FILIP1L: variants seen among roughly 807,000 people sequenced by gnomAD.
FILIP1L encodes filamin A-interacting protein 1-like.
In FILIP1L, 55 loss-of-function variants were observed where a neutral mutation model predicts 96.6. The observed-to-expected ratio is 0.57, with a 90% CI of 0.46 to 0.71. The LOEUF is 0.71. FILIP1L is among the 30% of genes least tolerant of loss of function. FILIP1L has a pLI of 0.00. For synonymous variants in FILIP1L, 467 were observed against 473.9 expected (o/e 0.99, Z 0.19); for missense variants, 1,304 against 1,321.2 (o/e 0.99, Z 0.20).
intron 1 of FILIP1L, among the ~76,000 whole-genome samples, chr3:99,932,824 G>A (rs539366513): frequency 1.3e-5 from 2 of 152,178 alleles, no homozygotes; most frequent in African/African-American, 4.8e-5. Flanking sequence ...ACAGGAGGCC[G>A]AGGTTGCATT....
At chr3:100,011,238 C>T (rs915662515) in intron 1 of FILIP1L, among the ~76,000 whole-genome samples, 3 of 152,066 alleles carry the variant, frequency 2.0e-5, no homozygotes, top group Non-Finnish European at 2.9e-5. Context: ...AGGTTATGAA[C>T]TTAGGAATTC....
chr3:99,966,964 A>G (rs758666355), intron 1 of FILIP1L, among the ~76,000 whole-genome samples: 2 of 152,176 alleles, frequency 1.3e-5, no homozygotes, highest in Non-Finnish European at 2.9e-5. Context: ...CCCACATGCT[A>G]TACAGGTGGG....
chr3:99,863,055 G>C (rs1403295323), intron 4 of FILIP1L, among the ~76,000 whole-genome samples: 2 of 152,104 alleles, frequency 1.3e-5, no homozygotes, highest in Non-Finnish European at 2.9e-5. Context: ...CTTAGGCAGC[G>C]GTCCCCAACC....
chr3:99,942,770 A>C (rs950607651), intron 1 of FILIP1L, among the ~76,000 whole-genome samples: 1 of 152,066 alleles, frequency 6.6e-6, no homozygotes, highest in African/African-American at 2.4e-5. Flanking sequence ...CAGAGGTTGC[A>C]GTGAGCCGAC....
intron 1 of FILIP1L, among the ~76,000 whole-genome samples, chr3:99,960,832 G>C (rs188884828): frequency 2.0e-5 from 3 of 152,244 alleles, no homozygotes; most frequent in Admixed American, 2.0e-4. Flanking sequence ...TAAAGCTCTG[G>C]TTATATATTT....
intron 1 of FILIP1L, among the ~76,000 whole-genome samples, chr3:100,031,743 C>T (rs1196715099): frequency 6.6e-6 from 1 of 152,066 alleles, no homozygotes; most frequent in Non-Finnish European, 1.5e-5. Context: ...TTGTATTTTA[C>T]GTTTATTTGC....
intron 1 of FILIP1L, among the ~76,000 whole-genome samples, chr3:100,013,091 G>C (rs1710209615): frequency 6.6e-6 from 1 of 152,050 alleles, no homozygotes; most frequent in African/African-American, 2.4e-5. Context: ...TGTCCGGGCT[G>C]ATCTTGAACT....
chr3:99,833,316 A>T (rs1020178522), intron 5 of FILIP1L: 6 of 1,474,356 alleles, frequency 4.1e-6, no homozygotes, highest in Non-Finnish European at 5.7e-6. Context: ...TAAATTCTAA[A>T]AGTGTTGGTT....
chr3:99,925,296 A>G (rs1242763270), intron 3 of FILIP1L, among the ~76,000 whole-genome samples: 3 of 152,210 alleles, frequency 2.0e-5, no homozygotes, highest in Non-Finnish European at 4.4e-5. Context: ...ACAGCACTAT[A>G]CTTACATCTT....
intron 1 of FILIP1L, among the ~76,000 whole-genome samples, chr3:99,945,549 CAAAG>C (rs1289519764): frequency 6.6e-6 from 1 of 152,154 alleles, no homozygotes; most frequent in Non-Finnish European, 1.5e-5. Context: ...AGGAGGGAAA[CAAAG>C]AATCATTACT....
At chr3:99,946,996 G>A (rs918295987) in intron 1 of FILIP1L, among the ~76,000 whole-genome samples, 2 of 151,996 alleles carry the variant, frequency 1.3e-5, no homozygotes, top group African/African-American at 4.8e-5. Context: ...AATTAGCGGG[G>A]CGTGGTGGCA....
intron 1 of FILIP1L, among the ~76,000 whole-genome samples, chr3:99,998,031 G>A (rs1399986666): frequency 1.3e-5 from 2 of 152,200 alleles, no homozygotes; most frequent in African/African-American, 2.4e-5. Flanking sequence ...AACTGGTGTG[G>A]AAAACTTGTG....
chr3:100,070,850 C>T (rs538045235), intron 1 of FILIP1L, among the ~76,000 whole-genome samples: 311 of 152,272 alleles, frequency 2.0e-3, no homozygotes, highest in Non-Finnish European at 3.9e-3. Flanking sequence ...AGGATATTCA[C>T]GAACTCCTGA....
At chr3:99,991,657 A>G (rs574422208) in intron 1 of FILIP1L, among the ~76,000 whole-genome samples, 1 of 151,942 alleles carries the variant, frequency 6.6e-6, no homozygotes, top group South Asian at 2.1e-4. Flanking sequence ...CTGTATGTCC[A>G]TGTATATCCA....
intron 3 of FILIP1L, among the ~76,000 whole-genome samples, chr3:99,927,530 C>T (rs867821257): frequency 1.1e-4 from 16 of 152,096 alleles, no homozygotes; most frequent in African/African-American, 3.9e-4. Flanking sequence ...CCACCACGCC[C>T]GGCTAATTTT....
chr3:99,945,549 C>CA (rs1312108565), intron 1 of FILIP1L, among the ~76,000 whole-genome samples: 1 of 152,154 alleles, frequency 6.6e-6, no homozygotes, highest in African/African-American at 2.4e-5. Flanking sequence ...AGGAGGGAAA[C>CA]AAAGAATCAT....
chr3:99,975,994 C>T (rs771178164), intron 1 of FILIP1L, among the ~76,000 whole-genome samples: 7 of 152,190 alleles, frequency 4.6e-5, no homozygotes, highest in Non-Finnish European at 8.8e-5. Flanking sequence ...AAGCGATTCT[C>T]CTGCCTCAGC....
At chr3:100,064,390 C>T (rs576421260) in intron 1 of FILIP1L, among the ~76,000 whole-genome samples, 1 of 152,068 alleles carries the variant, frequency 6.6e-6, no homozygotes, top group Non-Finnish European at 1.5e-5. Flanking sequence ...CCTGACCCCC[C>T]CAACACCCTT....
At chr3:99,891,693 G>A (rs2107615145) in intron 4 of FILIP1L, among the ~76,000 whole-genome samples, 1 of 152,148 alleles carries the variant, frequency 6.6e-6, no homozygotes, top group South Asian at 2.1e-4. Context: ...TGAAAACTAT[G>A]TCTAAAAGGA....
Sources: allele counts gnomAD v4.1 joint callset (sites outside exome capture counted in the v4.1 genomes callset), GRCh38; gene constraint gnomAD v4.1.1; transcripts MANE v1.5; gene names NCBI Gene and HGNC (gene_info 2026-07-23, HGNC 2026-07-21).